GRIK2: variants seen among roughly 807,000 people sequenced by gnomAD.
GRIK2 encodes the protein glutamate receptor ionotropic, kainate 2.
A neutral mutation model predicts 100.3 loss-of-function variants in GRIK2; 32 were observed. The ratio of observed to expected loss-of-function variants is 0.32; its 90% CI spans 0.24 to 0.43. The LOEUF (loss-of-function observed/expected upper bound fraction) is 0.43, where lower values mean the gene tolerates loss of function less well. Ranked by LOEUF, GRIK2 falls within the 20% of genes least tolerant of loss-of-function variation. The pLI is 1.00. For synonymous variants in GRIK2, 417 were observed against 389.4 expected (o/e 1.07, Z -0.83); for missense variants, 843 against 1,114.9 (o/e 0.76, Z 3.47).
intron 10 of GRIK2, among the ~76,000 whole-genome samples, chr6:101,823,868 T>TTG (rs1464067644): frequency 1.3e-5 from 2 of 148,438 alleles, no homozygotes; most frequent in Non-Finnish European, 3.0e-5. Flanking sequence ...TTCTGTTTTT[T>TTG]TTTTTTTGTT....
chr6:101,966,244 AC>A (rs1792666919), intron 14 of GRIK2, among the ~76,000 whole-genome samples: 1 of 152,168 alleles, frequency 6.6e-6, no homozygotes, highest in African/African-American at 2.4e-5. Context: ...AAGGAAGAAA[AC>A]AATTTATTTA....
At chr6:101,972,113 A>G (rs1052127403) in intron 14 of GRIK2, among the ~76,000 whole-genome samples, 1 of 152,012 alleles carries the variant, frequency 6.6e-6, no homozygotes, top group African/African-American at 2.4e-5. Flanking sequence ...CATATACCCA[A>G]TAATGGGATT....
chr6:101,645,260 C>G (rs903552109), intron 4 of GRIK2, among the ~76,000 whole-genome samples: 4 of 151,618 alleles, frequency 2.6e-5, no homozygotes, highest in Admixed American at 2.0e-4. Context: ...TACAAAGAAG[C>G]TTAATTCATC....
intron 14 of GRIK2, among the ~76,000 whole-genome samples, chr6:101,956,470 G>A (rs1791944071): frequency 6.6e-6 from 1 of 151,950 alleles, no homozygotes; most frequent in Admixed American, 6.6e-5. Flanking sequence ...TGGTTTTAAT[G>A]TGCTCATCGC....
intron 14 of GRIK2, among the ~76,000 whole-genome samples, chr6:101,944,881 T>A (rs995303569): frequency 1.3e-5 from 2 of 152,076 alleles, no homozygotes; most frequent in Non-Finnish European, 2.9e-5. Flanking sequence ...GTTTTGAGAT[T>A]GATAAATTTA....
chr6:101,510,441 G>T (rs1774239760), intron 2 of GRIK2, among the ~76,000 whole-genome samples: 1 of 148,506 alleles, frequency 6.7e-6, no homozygotes, highest in Admixed American at 6.7e-5. Context: ...CTCAGCAAAA[G>T]TGTAATTGTG....
At chr6:101,475,951 A>T (rs1772206005) in intron 2 of GRIK2, among the ~76,000 whole-genome samples, 1 of 152,118 alleles carries the variant, frequency 6.6e-6, no homozygotes, top group African/African-American at 2.4e-5. Flanking sequence ...TATATACAAA[A>T]GAGCCAAGGT....
intron 15 of GRIK2, 110 bp from the exon 16 acceptor site, chr6:102,055,220 G>A: frequency 1.4e-6 from 1 of 703,202 alleles, no homozygotes; most frequent in Non-Finnish European, 2.3e-6. Context: ...AAAAACATTG[G>A]CACACTTTGA....
At chr6:102,050,149 A>G (rs531232268) in intron 15 of GRIK2, among the ~76,000 whole-genome samples, 28 of 152,304 alleles carry the variant, frequency 1.8e-4, no homozygotes, top group African/African-American at 6.7e-4. Flanking sequence ...TAGAAGAAAT[A>G]AATCAATATA....
At chr6:101,799,450 T>G (rs1267348216) in intron 7 of GRIK2, among the ~76,000 whole-genome samples, 198 bp from the exon 8 acceptor site, 1 of 152,102 alleles carries the variant, frequency 6.6e-6, no homozygotes, top group East Asian at 1.9e-4. Flanking sequence ...AATTTTCTTA[T>G]GGAGCTGATG....
At chr6:101,903,112 C>G (rs1315816302) in intron 12 of GRIK2, among the ~76,000 whole-genome samples, 1 of 151,898 alleles carries the variant, frequency 6.6e-6, no homozygotes, top group African/African-American at 2.4e-5. Flanking sequence ...GAAAGAGCAA[C>G]CTGCAAAAGT....
At chr6:101,794,112 T>C (rs1780108757) in intron 7 of GRIK2, among the ~76,000 whole-genome samples, 1 of 152,156 alleles carries the variant, frequency 6.6e-6, no homozygotes, top group African/African-American at 2.4e-5. Flanking sequence ...GTGCTGTCTG[T>C]CACCCCTTTC....
intron 2 of GRIK2, among the ~76,000 whole-genome samples, chr6:101,536,102 T>C (rs2128286514): frequency 6.6e-6 from 1 of 151,866 alleles, no homozygotes; most frequent in South Asian, 2.1e-4. Flanking sequence ...ATTTCCCATT[T>C]GTTTCTTTGA....
chr6:101,854,037 A>G (rs1784283251), intron 10 of GRIK2, among the ~76,000 whole-genome samples: 1 of 152,176 alleles, frequency 6.6e-6, no homozygotes, highest in Non-Finnish European at 1.5e-5. Context: ...CAAAACTCAT[A>G]AAATAGACAA....
At chr6:102,009,156 A>G (rs1795393724) in intron 14 of GRIK2, among the ~76,000 whole-genome samples, 1 of 152,004 alleles carries the variant, frequency 6.6e-6, no homozygotes, top group African/African-American at 2.4e-5. Flanking sequence ...TGTTTTCTGA[A>G]CACATAAATT....
At chr6:101,681,350 C>G (rs1377709143) in intron 5 of GRIK2, among the ~76,000 whole-genome samples, 1 of 151,246 alleles carries the variant, frequency 6.6e-6, no homozygotes, top group Non-Finnish European at 1.5e-5. Flanking sequence ...CTCAGCTTCT[C>G]GAGTAGTTGG....
intron 9 of GRIK2, among the ~76,000 whole-genome samples, chr6:101,804,813 G>C (rs1273524816): frequency 6.6e-6 from 1 of 151,926 alleles, no homozygotes; most frequent in African/African-American, 2.4e-5. Context: ...GAACTCATCA[G>C]CTAAAGGACA....
chr6:101,497,173 GT>G (rs958482828), intron 2 of GRIK2, among the ~76,000 whole-genome samples: 18 of 151,184 alleles, frequency 1.2e-4, no homozygotes, highest in Non-Finnish European at 1.5e-4. Context: ...ACCCCATCTA[GT>G]TTTTTTTTCT....
rs537273042 is a variant in GRIK2, at chr6:101,660,064, A to G, written c.542-16559A>G. Among the ~76,000 whole-genome samples the G allele has an allele frequency of 1.2e-3, 181 of 152,038 alleles. 1 individual carries two copies. Among genetic ancestry groups the G allele is most frequent in the African/African-American group, 4.1e-3 (171 of 41,484 alleles). On this transcript the variant is annotated intron_variant, in intron 4 of 16. Coordinates refer to ENST00000369134, the MANE Select transcript of GRIK2 (RefSeq NM_021956.5). ...TCTCCTTGATAATATCCTGAAGAATATTTTCCAACTTGGTTCCATTCTCCC... is the reference window on the plus strand; with the variant it reads ...TCTCCTTGATAATATCCTGAAGAATGTTTTCCAACTTGGTTCCATTCTCCC...
Sources: gnomAD v4.1 joint callset for allele counts (sites outside exome capture counted in the v4.1 genomes callset) on GRCh38, gnomAD v4.1.1 for gene constraint, MANE v1.5 for transcripts, NCBI Gene and HGNC (gene_info 2026-07-23, HGNC 2026-07-21) for gene names.